The following NYAP2 variants were observed in gnomAD, a reference collection of about 807,000 sequenced individuals.
NYAP2 encodes neuronal tyrosine-phosphorylated phosphoinositide-3-kinase adaptor 2, also known as neuronal tyrosine-phosphorylated phosphoinositide-3-kinase adapter 2.
NYAP2 carries 23 observed loss-of-function variants against 50.4 expected under a neutral mutation model. That is an observed-to-expected ratio of 0.46 (90% CI 0.33 to 0.65). The LOEUF is 0.65. NYAP2 is among the 30% of genes least tolerant of loss of function. NYAP2 has a pLI of 0.02. For missense variants in NYAP2, 885 were observed against 861.0 expected (o/e 1.03, Z -0.35); for synonymous variants, 394 against 365.2 (o/e 1.08, Z -0.90).
At chr2:225,644,400 A>G (rs1693591092) in intron 6 of NYAP2, among the ~76,000 whole-genome samples, 1 of 150,388 alleles carries the variant, frequency 6.6e-6, no homozygotes, top group Non-Finnish European at 1.5e-5. Flanking sequence ...TTGCCTGTTC[A>G]CTCTGATGGT....
chr2:225,627,028 C>T (rs1237571642), exon 6 of NYAP2: 2 of 1,595,554 alleles, frequency 1.3e-6, no homozygotes, highest in Non-Finnish European at 8.5e-7. Context: ...CCTGTCAAAG[C>T]TCAGGAATGG....
At chr2:225,651,210 G>A (rs1693725109) in intron 6 of NYAP2, among the ~76,000 whole-genome samples, 1 of 152,198 alleles carries the variant, frequency 6.6e-6, no homozygotes, top group Non-Finnish European at 1.5e-5. Context: ...CACAAGGCCT[G>A]TGCTTCTGAG....
the NYAP2 span, among the ~76,000 whole-genome samples, chr2:225,660,291 C>A: frequency 6.6e-6 from 1 of 152,132 alleles, no homozygotes; most frequent in African/African-American, 2.4e-5. Flanking sequence ...CTACAGGTAG[C>A]ATTTCAGAAC....
the NYAP2 span, among the ~76,000 whole-genome samples, chr2:225,678,261 T>C: frequency 6.6e-6 from 1 of 152,190 alleles, no homozygotes; most frequent in African/African-American, 2.4e-5. Flanking sequence ...GGTTGTAAGG[T>C]CATGTTTGTC....
intron 3 of NYAP2, among the ~76,000 whole-genome samples, chr2:225,447,621 A>G (rs557355922): frequency 4.1e-4 from 62 of 152,316 alleles, no homozygotes; most frequent in African/African-American, 1.4e-3. Context: ...TCTACTGTCA[A>G]TTCTTTAAAT....
At chr2:225,491,806 G>T (rs1041719991) in intron 3 of NYAP2, among the ~76,000 whole-genome samples, 1 of 152,182 alleles carries the variant, frequency 6.6e-6, no homozygotes, top group African/African-American at 2.4e-5. Flanking sequence ...GTCATCAATT[G>T]CATGATACTT....
chr2:225,487,166 A>G (rs1690314872), intron 3 of NYAP2, among the ~76,000 whole-genome samples: 1 of 152,142 alleles, frequency 6.6e-6, no homozygotes, highest in South Asian at 2.1e-4. Flanking sequence ...GCTTTGCACC[A>G]GGAGTCAGTA....
At chr2:225,625,777 A>G (rs941667467) in intron 5 of NYAP2, among the ~76,000 whole-genome samples, 1 of 152,216 alleles carries the variant, frequency 6.6e-6, no homozygotes, top group Admixed American at 6.5e-5. Context: ...TCTATGGGCA[A>G]CAGGAGGCTT....
At chr2:225,474,456 T>C (rs938140934) in intron 3 of NYAP2, among the ~76,000 whole-genome samples, 2 of 152,214 alleles carry the variant, frequency 1.3e-5, no homozygotes, top group African/African-American at 4.8e-5. Context: ...GGAATGTTCT[T>C]CCATTTGTTT....
chr2:225,468,777 G>A lies in NYAP2; in HGVS notation c.222-44594G>A, dbSNP rs1022950965. 2.6e-5 allele frequency among the ~76,000 whole-genome samples: 4 copies of A among 152,248 alleles called. No homozygotes were observed. In the East Asian group the frequency reaches 5.8e-4, roughly 22 times the overall value. On this transcript the variant is annotated intron_variant, in intron 3 of 6. Transcript: ENST00000636099. Reference sequence around the variant, plus strand: ...GACAGAGGAGGAATAAGTCACTGAGGACATGAAGAGGACAAAAAAGACAAA... The same window carrying A: ...GACAGAGGAGGAATAAGTCACTGAGAACATGAAGAGGACAAAAAAGACAAA...
At chr2:225,513,765 C>A in intron 4 of NYAP2, 93 bp downstream of exon 4, 1 of 942,280 alleles carries the variant, frequency 1.1e-6, no homozygotes, top group Non-Finnish European at 1.5e-6. Flanking sequence ...CTTCACTGGG[C>A]CACATAATCC....
intron 2 of NYAP2, among the ~76,000 whole-genome samples, chr2:225,403,411 G>T (rs551891975): frequency 6.6e-6 from 1 of 151,966 alleles, no homozygotes; most frequent in African/African-American, 2.4e-5. Context: ...TCCATTCTAT[G>T]TATTGTGTTC....
intron 4 of NYAP2, among the ~76,000 whole-genome samples, chr2:225,576,564 T>C (rs1007839534): frequency 2.0e-5 from 3 of 152,224 alleles, no homozygotes; most frequent in Non-Finnish European, 2.9e-5. Context: ...CCTTCCAGAA[T>C]CAGCCAGTTC....
intron 3 of NYAP2, among the ~76,000 whole-genome samples, chr2:225,508,964 G>A (rs549536820): frequency 6.6e-6 from 1 of 152,282 alleles, no homozygotes; most frequent in Admixed American, 6.5e-5. Context: ...GCAGGCTTTG[G>A]GAACAGTTCT....
intron 3 of NYAP2, among the ~76,000 whole-genome samples, chr2:225,455,763 A>G (rs1689729395): frequency 6.6e-6 from 1 of 152,274 alleles, no homozygotes; most frequent in Non-Finnish European, 1.5e-5. Flanking sequence ...CATATCTTTC[A>G]GTCTCCAGGA....
At chr2:225,696,001 A>T in the NYAP2 span, among the ~76,000 whole-genome samples, 1 of 151,920 alleles carries the variant, frequency 6.6e-6, no homozygotes, top group Non-Finnish European at 1.5e-5. Flanking sequence ...ACTTTGATTT[A>T]ATTATTTCAT....
At chr2:225,581,358 G>T (rs1212236274) in intron 4 of NYAP2, among the ~76,000 whole-genome samples, 1 of 152,144 alleles carries the variant, frequency 6.6e-6, no homozygotes, top group African/African-American at 2.4e-5. Context: ...AGCCTCATAA[G>T]ATTTTCACAT....
At chr2:225,541,922 A>G (rs1183620756) in intron 4 of NYAP2, among the ~76,000 whole-genome samples, 8 of 152,182 alleles carry the variant, frequency 5.3e-5, no homozygotes, top group Non-Finnish European at 8.8e-5. Context: ...ATCCATGAAC[A>G]TGGAATATTT....
intron 3 of NYAP2, among the ~76,000 whole-genome samples, chr2:225,437,391 G>T (rs1164588888): frequency 6.6e-6 from 1 of 152,188 alleles, no homozygotes. Flanking sequence ...AAGGAGGTTT[G>T]TCAGCATGAG....
Sources: gnomAD v4.1 joint callset for allele counts (sites outside exome capture counted in the v4.1 genomes callset) on GRCh38, gnomAD v4.1.1 for gene constraint, MANE v1.5 for transcripts, NCBI Gene and HGNC (gene_info 2026-07-23, HGNC 2026-07-21) for gene names.